The following DCC variants were observed in gnomAD, a reference collection of about 807,000 sequenced individuals.
DCC encodes netrin receptor DCC.
DCC carries 58 observed loss-of-function variants against 172.5 expected under a neutral mutation model. That is an observed-to-expected ratio of 0.34 (90% CI 0.27 to 0.42). The LOEUF (loss-of-function observed/expected upper bound fraction) is 0.42, where lower values mean the gene tolerates loss of function less well. Ranked by LOEUF, DCC falls within the 10% of genes least tolerant of loss-of-function variation. The pLI is 1.00. For missense variants in DCC, 1,740 were observed against 1,791.0 expected (o/e 0.97, Z 0.51); for synonymous variants, 709 against 644.5 (o/e 1.10, Z -1.52).
chr18:53,298,499 G>A (rs1227982761), intron 12 of DCC, among the ~76,000 whole-genome samples: 2 of 116,610 alleles, frequency 1.7e-5, no homozygotes, highest in Non-Finnish European at 3.2e-5. Flanking sequence ...CTGCACTCCA[G>A]CCTGGATGAC....
chr18:53,378,684 C>T (rs1415851947), intron 15 of DCC, among the ~76,000 whole-genome samples: 3 of 152,164 alleles, frequency 2.0e-5, no homozygotes, highest in African/African-American at 7.2e-5. Context: ...AGCACTGAAA[C>T]ATTTCTCACT....
intron 1 of DCC, among the ~76,000 whole-genome samples, chr18:52,615,471 T>C (rs985391146): frequency 1.3e-5 from 2 of 152,210 alleles, no homozygotes; most frequent in Non-Finnish European, 2.9e-5. Flanking sequence ...TAAGTCTTTT[T>C]CCTGGCTTTA....
At chr18:52,355,366 C>A (rs1386511673) in intron 1 of DCC, among the ~76,000 whole-genome samples, 1 of 152,132 alleles carries the variant, frequency 6.6e-6, no homozygotes, top group Middle Eastern at 3.2e-3. Context: ...AATCACAAAT[C>A]TACGAATGAG....
At chr18:53,374,532 C>T (rs532713101) in intron 15 of DCC, among the ~76,000 whole-genome samples, 2 of 152,258 alleles carry the variant, frequency 1.3e-5, no homozygotes, top group Admixed American at 6.5e-5. Flanking sequence ...AGATCCTGAG[C>T]AGGCTAGTTC....
At chr18:53,027,684 T>C (rs2041974588) in intron 5 of DCC, among the ~76,000 whole-genome samples, 1 of 152,176 alleles carries the variant, frequency 6.6e-6, no homozygotes, top group Non-Finnish European at 1.5e-5. Flanking sequence ...CTCTTCTTTT[T>C]CTGTCAACTT....
intron 15 of DCC, among the ~76,000 whole-genome samples, chr18:53,366,925 A>T (rs1187080958): frequency 6.6e-6 from 1 of 152,196 alleles, no homozygotes; most frequent in East Asian, 1.9e-4. Flanking sequence ...GATGGAAGCC[A>T]CAGGGGATAA....
intron 15 of DCC, among the ~76,000 whole-genome samples, chr18:53,379,990 AC>A (rs1396075657): frequency 3.9e-5 from 6 of 152,210 alleles, no homozygotes; most frequent in African/African-American, 1.4e-4. Context: ...TGCAGAGGCA[AC>A]TGATAAATTT....
At position 52,569,230 on chromosome 18, in the gene DCC, A is replaced by G. The variant is rs2033236620; in HGVS notation, c.92-182824A>G. The stretch of plus-strand genomic sequence containing the variant: ...AACACAACGCATTTCAGCCCAAGCT[A>G]TGGAGTAAGACACACCTGGGTCTAT... On this transcript the variant is annotated intron_variant, in intron 1 of 28. Transcript: ENST00000442544. Among the ~76,000 whole-genome samples, 6 of 152,326 alleles carry G rather than the reference A, an allele frequency of 3.9e-5. No individual in the cohort carries two copies. In the South Asian group the frequency reaches 1.2e-3, roughly 32 times the overall value.
intron 19 of DCC, among the ~76,000 whole-genome samples, chr18:53,404,568 A>G (rs1015323823): frequency 6.6e-6 from 1 of 151,744 alleles, no homozygotes; most frequent in Non-Finnish European, 1.5e-5. Flanking sequence ...TGTCTCTACT[A>G]AAAATACGAA....
chr18:52,835,733 A>G (rs1031799448), intron 2 of DCC, among the ~76,000 whole-genome samples: 1 of 152,236 alleles, frequency 6.6e-6, no homozygotes, highest in Non-Finnish European at 1.5e-5. Flanking sequence ...CCTTTAAATG[A>G]ATTCAAAACT....
At chr18:52,763,155 T>G (rs1316566467) in intron 2 of DCC, among the ~76,000 whole-genome samples, 1 of 152,222 alleles carries the variant, frequency 6.6e-6, no homozygotes, top group Non-Finnish European at 1.5e-5. Flanking sequence ...ATTGTAACCC[T>G]GAGGCTTTAT....
intron 7 of DCC, among the ~76,000 whole-genome samples, chr18:53,116,685 T>G (rs2043413629): frequency 6.6e-6 from 1 of 151,768 alleles, no homozygotes; most frequent in African/African-American, 2.4e-5. Context: ...CAAAGGAGGT[T>G]GCTTTAAATC....
intron 1 of DCC, among the ~76,000 whole-genome samples, chr18:52,501,665 G>A (rs1400291450): frequency 3.3e-5 from 5 of 152,102 alleles, no homozygotes; most frequent in Non-Finnish European, 7.4e-5. Flanking sequence ...GAGAATGAAA[G>A]AGTCAGAATT....
intron 5 of DCC, among the ~76,000 whole-genome samples, chr18:52,987,067 T>C (rs147666559): frequency 0.014 from 2,123 of 152,172 alleles, 56 homozygotes; most frequent in African/African-American, 0.049. Flanking sequence ...AATGATCCAC[T>C]GGCCTCGGCC....
intron 2 of DCC, among the ~76,000 whole-genome samples, chr18:52,761,084 G>A (rs534964170): frequency 6.6e-6 from 1 of 152,308 alleles, no homozygotes; most frequent in East Asian, 1.9e-4. Context: ...ACCAGAGACT[G>A]GGAAGAAAAA....
At chr18:52,417,130 G>A (rs2144419949) in intron 1 of DCC, among the ~76,000 whole-genome samples, 1 of 152,058 alleles carries the variant, frequency 6.6e-6, no homozygotes, top group East Asian at 1.9e-4. Flanking sequence ...CTTCACTTAT[G>A]AAGCTTAGTT....
At chr18:52,728,836 TC>T (rs1407710503) in intron 1 of DCC, among the ~76,000 whole-genome samples, 2 of 152,172 alleles carry the variant, frequency 1.3e-5, no homozygotes, top group African/African-American at 4.8e-5. Flanking sequence ...ACTTGTTGCA[TC>T]CTTCATGCAA....
chr18:53,010,225 G>A (rs2041708045), intron 5 of DCC, among the ~76,000 whole-genome samples: 1 of 151,842 alleles, frequency 6.6e-6, no homozygotes, highest in Admixed American at 6.6e-5. Context: ...AAAATACTAA[G>A]TTGATATCAC....
intron 1 of DCC, among the ~76,000 whole-genome samples, chr18:52,693,324 ATAT>A (rs775359891): frequency 1.3e-5 from 2 of 148,534 alleles, no homozygotes; most frequent in African/African-American, 2.4e-5. Context: ...CAATATCTAA[ATAT>A]TATATGCTAT....
Sources: gnomAD v4.1 joint callset for allele counts (sites outside exome capture counted in the v4.1 genomes callset) on GRCh38, gnomAD v4.1.1 for gene constraint, MANE v1.5 for transcripts, NCBI Gene and HGNC (gene_info 2026-07-23, HGNC 2026-07-21) for gene names.